The following PPP1R14C variants were observed in gnomAD, a reference collection of about 807,000 sequenced individuals.
PPP1R14C encodes the protein protein phosphatase 1 regulatory subunit 14C.
PPP1R14C carries 16 observed loss-of-function variants against 20.4 expected under a neutral mutation model. The observed-to-expected ratio is 0.78, with a 90% confidence interval of 0.53 to 1.19. The LOEUF (loss-of-function observed/expected upper bound fraction) is 1.19. Ranked by LOEUF, PPP1R14C falls within the 50% of genes most tolerant of loss-of-function variation. The pLI, the probability that PPP1R14C is intolerant of heterozygous loss-of-function variation, is 0.00. For missense variants in PPP1R14C, 211 were observed against 220.1 expected (o/e 0.96, Z 0.26); for synonymous variants, 91 against 91.0 (o/e 1.00, Z 0.00).
At chr6:150,223,932 A>T (rs1468812867) in intron 3 of PPP1R14C, among the ~76,000 whole-genome samples, 1 of 152,158 alleles carries the variant, frequency 6.6e-6, no homozygotes, top group Non-Finnish European at 1.5e-5. Flanking sequence ...AAAACACAAG[A>T]TCATTTAGAT....
chr6:150,150,789 C>A (rs62440032), intron 1 of PPP1R14C, among the ~76,000 whole-genome samples: 26,296 of 151,992 alleles, frequency 0.17, 2,914 homozygotes, highest in South Asian at 0.29. Flanking sequence ...CCTTTCTTGG[C>A]TGAGTTTTCA....
chr6:150,192,545 C>T (rs1273295151), intron 1 of PPP1R14C, among the ~76,000 whole-genome samples: 1 of 152,182 alleles, frequency 6.6e-6, no homozygotes, highest in East Asian at 1.9e-4. Context: ...TGGTCCCAAA[C>T]AGGCCATGGA....
intron 1 of PPP1R14C, among the ~76,000 whole-genome samples, chr6:150,188,110 G>A (rs1428963643): frequency 1.3e-5 from 2 of 152,008 alleles, no homozygotes; most frequent in African/African-American, 2.4e-5. Context: ...TTATTATCAG[G>A]GTTTCTTTAT....
At chr6:150,220,423 T>G (rs755527338) in intron 3 of PPP1R14C, among the ~76,000 whole-genome samples, 22 of 152,152 alleles carry the variant, frequency 1.4e-4, no homozygotes, top group Non-Finnish European at 4.4e-5. Context: ...GCTTCTTTAT[T>G]TATAGGTAGT....
chr6:150,209,218 T>G (rs975672636), intron 1 of PPP1R14C, among the ~76,000 whole-genome samples: 1 of 152,202 alleles, frequency 6.6e-6, no homozygotes, highest in Admixed American at 6.5e-5. Flanking sequence ...CCACAGTCAT[T>G]TCCAGGAAGC....
intron 1 of PPP1R14C, among the ~76,000 whole-genome samples, chr6:150,174,162 T>TA (rs5880868): frequency 0.18 from 27,346 of 152,160 alleles, 2,921 homozygotes; most frequent in South Asian, 0.34. Context: ...CTCACATACT[T>TA]ACCATTTTCT....
At chr6:150,148,711 A>C (rs1393730611) in intron 1 of PPP1R14C, among the ~76,000 whole-genome samples, 1 of 152,168 alleles carries the variant, frequency 6.6e-6, no homozygotes, top group Non-Finnish European at 1.5e-5. Flanking sequence ...ACAGGCTTTT[A>C]AACAACAACA....
chr6:150,168,206 GT>G (rs1306491373), intron 1 of PPP1R14C, among the ~76,000 whole-genome samples: 8 of 132,028 alleles, frequency 6.1e-5, no homozygotes, highest in African/African-American at 2.3e-4. Flanking sequence ...TGAGTTGCTG[GT>G]GAAAGTTTAA....
intron 3 of PPP1R14C, among the ~76,000 whole-genome samples, chr6:150,228,614 C>G (rs1778256617): frequency 6.6e-6 from 1 of 152,170 alleles, no homozygotes; most frequent in African/African-American, 2.4e-5. Context: ...GACCTTGTCT[C>G]CAGCTGATAC....
At chr6:150,194,795 ATGTT>A (rs541273109) in intron 1 of PPP1R14C, 11 of 985,340 alleles carry the variant, frequency 1.1e-5, no homozygotes, top group Non-Finnish European at 1.2e-5. Flanking sequence ...TTGGGGGTTG[ATGTT>A]TGTTATTCTT....
intron 1 of PPP1R14C, among the ~76,000 whole-genome samples, chr6:150,182,966 T>A (rs1028869134): frequency 6.6e-6 from 1 of 152,120 alleles, no homozygotes; most frequent in Admixed American, 6.5e-5. Context: ...AGCAATTGTA[T>A]ATCTAAACAC....
intron 3 of PPP1R14C, among the ~76,000 whole-genome samples, chr6:150,218,822 T>A (rs1778130901): frequency 6.6e-6 from 1 of 152,036 alleles, no homozygotes; most frequent in South Asian, 2.1e-4. Context: ...CTAAATTATT[T>A]TTATTTTTTT....
chr6:150,205,252 C>G (rs1777933845), intron 1 of PPP1R14C, among the ~76,000 whole-genome samples: 2 of 152,104 alleles, frequency 1.3e-5, no homozygotes, highest in Non-Finnish European at 2.9e-5. Flanking sequence ...CCAGGCAGTT[C>G]AGCCTGGGCT....
At chr6:150,214,163 C>T (rs1377458072) in intron 1 of PPP1R14C, among the ~76,000 whole-genome samples, 1 of 152,128 alleles carries the variant, frequency 6.6e-6, no homozygotes, top group Admixed American at 6.5e-5. Context: ...GTAACTGGGG[C>T]TAAAGCCATA....
chr6:150,248,605 A>G, intron 3 of PPP1R14C, 141 bp from the exon 4 acceptor site: 1 of 566,412 alleles, frequency 1.8e-6, no homozygotes, highest in Non-Finnish European at 3.2e-6. Context: ...AAAATCCTGT[A>G]TTATACCAGT....
intron 3 of PPP1R14C, among the ~76,000 whole-genome samples, chr6:150,227,752 G>A (rs1399963376): frequency 6.6e-6 from 1 of 152,178 alleles, no homozygotes; most frequent in Non-Finnish European, 1.5e-5. Context: ...AATTGAGAAG[G>A]ACAGACCAGA....
At chr6:150,239,669 GA>G (rs1404719658) in intron 3 of PPP1R14C, among the ~76,000 whole-genome samples, 10 of 152,152 alleles carry the variant, frequency 6.6e-5, no homozygotes. Context: ...TCCACCTTAG[GA>G]ACCAGGAAAA....
At position 150,143,328 on chromosome 6, in the gene PPP1R14C, G is replaced by A. The variant is rs776859532; in HGVS notation, c.136G>A (p.Asp46Asn). The A allele has an allele frequency of 4.4e-6, 7 of 1,602,168 alleles. No homozygotes were observed. In the South Asian group the frequency reaches 5.6e-5, roughly 13 times the overall value. Residue 46 changes from aspartate to asparagine, a missense_variant, in exon 1 of 4, where the codon GAC (aspartate) becomes AAC (asparagine). Transcript: ENST00000361131. This position sits in a 1 kb window ranked among gnomAD's most constrained non-coding sequence, Gnocchi z 5.6. ...CAGCGGCTCAGGCTCCTCCCGGGAG[G>A]ACTCGGCGCCCGTGGCCACGGCGGC... ...SSSGSGSSRE[D>N]SAPVATAAAA...
intron 1 of PPP1R14C, among the ~76,000 whole-genome samples, chr6:150,211,593 A>G (rs1740079051): frequency 6.6e-6 from 1 of 152,240 alleles, no homozygotes; most frequent in South Asian, 2.1e-4. Flanking sequence ...ATCAGCATAC[A>G]GAAGATAAAG....
Sources: gnomAD v4.1 joint callset for allele counts (sites outside exome capture counted in the v4.1 genomes callset) on GRCh38, gnomAD v4.1.1 for gene constraint, Gnocchi (gnomAD v3.1) non-coding constraint, MANE v1.5 for transcripts, NCBI Gene and HGNC (gene_info 2026-07-23, HGNC 2026-07-21) for gene names.